MIA2: variants seen among roughly 807,000 people sequenced by gnomAD.
The protein encoded by MIA2 is MIA SH3 domain ER export factor 2.
Under a neutral mutation model 167.8 loss-of-function variants are expected in MIA2, and 127 were observed. The observed-to-expected ratio is 0.76, with a 90% CI of 0.66 to 0.88. MIA2 has a LOEUF of 0.88. MIA2 is among the 40% of genes least tolerant of loss of function. The probability of loss-of-function intolerance (pLI) is 0.00; values close to 1 mark genes in which losing one functional copy is unlikely to be tolerated. For synonymous variants in MIA2, 552 were observed against 541.9 expected, an observed-to-expected ratio of 1.02 and a Z score of -0.26; for missense variants, 1,690 against 1,624.7, an observed-to-expected ratio of 1.04 and a Z score of -0.69.
chr14:39,251,271 T>C (rs1220974707), intron 4 of MIA2, among the ~76,000 whole-genome samples: 1 of 152,032 alleles, frequency 6.6e-6, no homozygotes, highest in Non-Finnish European at 1.5e-5. Flanking sequence ...ACAATGTGCA[T>C]AACGATTTTA....
intron 4 of MIA2, among the ~76,000 whole-genome samples, chr14:39,252,500 A>G (rs1025147386): frequency 6.6e-6 from 1 of 152,174 alleles, no homozygotes; most frequent in African/African-American, 2.4e-5. Context: ...TTGGTTTTAG[A>G]ATTTCTGACT....
chr14:39,274,626 A>G (rs1469967273), intron 6 of MIA2, among the ~76,000 whole-genome samples: 1 of 149,816 alleles, frequency 6.7e-6, no homozygotes, highest in Non-Finnish European at 1.5e-5. Flanking sequence ...GGGTTTCACC[A>G]CGTTGGCCAG....
chr14:39,385,841 G>C, intron 23 of MIA2: 1 of 966,782 alleles, frequency 1.0e-6, no homozygotes, highest in South Asian at 1.3e-5. Context: ...GGATGCCCTT[G>C]TCCTCGACCT....
Position 39,279,429 on chromosome 14 carries a change from T to C in MIA2, c.2042-20T>C, listed in dbSNP as rs762015106. On this transcript the variant is annotated intron_variant, in intron 8 of 28. Transcript: ENST00000640607. Reference sequence around the variant, plus strand: ...ACTTATAATAATTTACTCATGGTAATATTGACTTGACTTTTTTAGGACGAG... The same window carrying C: ...ACTTATAATAATTTACTCATGGTAACATTGACTTGACTTTTTTAGGACGAG... 32 of 1,603,174 alleles carry C rather than the reference T, an allele frequency of 2.0e-5. No individual in the cohort carries two copies. Among genetic ancestry groups the C allele is most frequent in the Non-Finnish European group, 2.4e-5 (28 of 1,176,572 alleles).
intron 6 of MIA2, chr14:39,266,715 C>T (rs1458011785): frequency 1.0e-6 from 1 of 985,548 alleles, no homozygotes; most frequent in Non-Finnish European, 1.2e-6. Context: ...CTTCTCGGGG[C>T]TGCCGGGGTC....
At chr14:39,331,401 CT>C (rs1201827146) in intron 25 of MIA2, among the ~76,000 whole-genome samples, 1 of 152,124 alleles carries the variant, frequency 6.6e-6, no homozygotes, top group Non-Finnish European at 1.5e-5. Flanking sequence ...GGTCTTGACT[CT>C]TTATCCAATT....
chr14:39,366,823 T>C (rs771647262), intron 23 of MIA2, among the ~76,000 whole-genome samples: 3 of 152,122 alleles, frequency 2.0e-5, no homozygotes, highest in Non-Finnish European at 4.4e-5. Flanking sequence ...CTGGTGGGGA[T>C]GGGGTTGCTG....
At chr14:39,301,927 G>A (rs1192643497) in intron 14 of MIA2, among the ~76,000 whole-genome samples, 1 of 152,060 alleles carries the variant, frequency 6.6e-6, no homozygotes. Flanking sequence ...ACTAGTTTTG[G>A]CTTTTACTTG....
chr14:39,384,508 A>T (rs2075231877), intron 23 of MIA2, among the ~76,000 whole-genome samples: 1 of 152,072 alleles, frequency 6.6e-6, no homozygotes, highest in Non-Finnish European at 1.5e-5. Context: ...TTATTTTTTT[A>T]ATTTTTTTTT....
intron 21 of MIA2, among the ~76,000 whole-genome samples, chr14:39,316,849 C>T (rs2065541349): frequency 6.6e-6 from 1 of 152,094 alleles, no homozygotes; most frequent in African/African-American, 2.4e-5. Context: ...CAGGCTGTTT[C>T]TGGAAGGGCA....
chr14:39,285,669 C>CAA (rs2059631854), intron 9 of MIA2, among the ~76,000 whole-genome samples: 2 of 151,706 alleles, frequency 1.3e-5, no homozygotes, highest in Non-Finnish European at 2.9e-5. Context: ...GGCTGACCCC[C>CAA]CACCTCCCTC....
At chr14:39,299,537 G>T (rs948571269) in intron 13 of MIA2, among the ~76,000 whole-genome samples, 3 of 151,604 alleles carry the variant, frequency 2.0e-5, no homozygotes, top group Non-Finnish European at 4.4e-5. Flanking sequence ...ATTTCTAAAG[G>T]TTAGTTATTT....
rs188963357 is a variant in MIA2, at chr14:39,308,821, A to G, written c.3017+234A>G. On this transcript the variant is annotated intron_variant, in intron 18 of 28. Coordinates refer to ENST00000640607, the MANE Select transcript of MIA2 (RefSeq NM_001329214.4). ...GTTAACAGAATCCTCTTTAGCTCCTAGTAAGTAGTCAGCAACTTATTGCCT... is the reference window on the plus strand; with the variant it reads ...GTTAACAGAATCCTCTTTAGCTCCTGGTAAGTAGTCAGCAACTTATTGCCT... Among the ~76,000 whole-genome samples, 579 of 152,330 alleles carry G rather than the reference A, an allele frequency of 3.8e-3. 4 individuals carry two copies. The highest frequency in any genetic ancestry group is 0.013 in the African/African-American group (548 of 41,578).
At position 39,248,155 on chromosome 14, in the gene MIA2, T is replaced by G. The variant is rs1217182539; in HGVS notation, c.1567+14T>G. ...ACAGTCTGTCAGGTTGGTATGAAAA[T>G]ATTTACATTAGAATTTATTTTATTT... On this transcript the variant is annotated intron_variant, in intron 4 of 28. Transcript: ENST00000640607. 1 of 1,329,658 alleles carries G rather than the reference T, an allele frequency of 7.5e-7. No homozygotes were observed. The highest frequency in any genetic ancestry group is 1.0e-6 in the Non-Finnish European group (1 of 999,640). 82.4% of individuals were successfully genotyped at this position (1,329,658 alleles called of 1,614,324 possible). A position where few individuals can be genotyped will look rare whatever the true frequency, so the allele number is the denominator to read the frequency against.
intron 25 of MIA2, among the ~76,000 whole-genome samples, chr14:39,345,486 C>T (rs2073040329): frequency 6.6e-6 from 1 of 152,138 alleles, no homozygotes; most frequent in African/African-American, 2.4e-5. Flanking sequence ...AAATTATCAC[C>T]TGTTCTGGTA....
intron 16 of MIA2, 143 bp downstream of exon 16, chr14:39,303,667 T>A: frequency 1.8e-6 from 1 of 560,150 alleles, no homozygotes; most frequent in Non-Finnish European, 3.1e-6. Flanking sequence ...CATCATCAAT[T>A]GCTTTTTCCT....
intron 26 of MIA2, among the ~76,000 whole-genome samples, chr14:39,346,445 A>T (rs10220689): frequency 0.084 from 12,749 of 152,106 alleles, 614 homozygotes; most frequent in South Asian, 0.18. Context: ...TAAACATTTC[A>T]TGCTTAGATA....
chr14:39,276,769 G>A, intron 6 of MIA2, 165 bp from the exon 7 acceptor site: 1 of 629,792 alleles, frequency 1.6e-6, no homozygotes, highest in Non-Finnish European at 2.7e-6. Flanking sequence ...TCTTTACTTG[G>A]CGATAGTGAT....
At chr14:39,329,587 C>T (rs2068332904) in intron 25 of MIA2, among the ~76,000 whole-genome samples, 1 of 151,696 alleles carries the variant, frequency 6.6e-6, no homozygotes, top group South Asian at 2.1e-4. Flanking sequence ...ATGATATTGC[C>T]TGTGAGTTTG....
Sources: gnomAD v4.1 joint callset for allele counts (sites outside exome capture counted in the v4.1 genomes callset) on GRCh38, gnomAD v4.1.1 for gene constraint, MANE v1.5 for transcripts, NCBI Gene and HGNC (gene_info 2026-07-23, HGNC 2026-07-21) for gene names.